The following ODAD2 variants were observed in gnomAD, a reference collection of about 807,000 sequenced individuals.
ODAD2 encodes the protein outer dynein arm docking complex subunit 2.
In ODAD2, 89 loss-of-function variants were observed where a neutral mutation model predicts 106.8. The ratio of observed to expected loss-of-function variants is 0.83; its 90% CI spans 0.70 to 0.99. The LOEUF (loss-of-function observed/expected upper bound fraction) is 0.99, where lower values mean the gene tolerates loss of function less well. Among genes scored for constraint, ODAD2 ranks in the 50% least tolerant of loss-of-function variants. The pLI, the probability that ODAD2 is intolerant of heterozygous loss-of-function variation, is 0.00. For synonymous variants in ODAD2, 404 were observed against 436.2 expected (o/e 0.93, Z 0.92); for missense variants, 1,168 against 1,238.5 (o/e 0.94, Z 0.85).
intron 17 of ODAD2, among the ~76,000 whole-genome samples, chr10:27,873,918 T>G (rs2133471093): frequency 6.6e-6 from 1 of 152,306 alleles, no homozygotes. Flanking sequence ...CCTTGTTAAC[T>G]TTCTGTCTCG....
chr10:27,970,968 T>C lies in ODAD2; in HGVS notation c.1142+140A>G, dbSNP rs1282591541. ...GCCTGGGCAACAGAGCAAGACTCCA[T>C]CTTAAATAAATAAATAAATAAATAA... On this transcript the variant is annotated intron_variant, in intron 8 of 19. Coordinates refer to ENST00000305242, the MANE Select transcript of ODAD2 (RefSeq NM_018076.5). 1.9e-5 allele frequency: 6 copies of C among 322,296 alleles called. 1 individual carries two copies. The highest frequency in any genetic ancestry group is 2.3e-5 in the African/African-American group (1 of 42,924). 20.0% of individuals were successfully genotyped at this position (322,296 alleles called of 1,614,324 possible).
intron 19 of ODAD2, among the ~76,000 whole-genome samples, chr10:27,827,996 G>C (rs988328875): frequency 1.3e-5 from 2 of 152,196 alleles, no homozygotes; most frequent in African/African-American, 4.8e-5. Flanking sequence ...TCATCAGAGA[G>C]GAAGGGGAGA....
chr10:27,829,772 A>G (rs2132979107), intron 19 of ODAD2, among the ~76,000 whole-genome samples: 1 of 152,302 alleles, frequency 6.6e-6, no homozygotes, highest in East Asian at 1.9e-4. Context: ...AGAACTTCAC[A>G]TTTCAGTGAA....
Position 27,934,810 on chromosome 10 carries a change from C to A in ODAD2, c.2495+200G>T, listed in dbSNP as rs577158201. Among the ~76,000 whole-genome samples, 4 of 152,240 alleles carry A rather than the reference C, an allele frequency of 2.6e-5. No homozygotes were observed. In the East Asian group the frequency reaches 7.7e-4, roughly 29 times the overall value. ...GTATTGTAAATCCTCCCAATATGAC[C>A]AACTTAGCCCTCCATCTCATATGAG... On this transcript the variant is annotated intron_variant, in intron 16 of 19. Coordinates refer to ENST00000305242, the MANE Select transcript of ODAD2 (RefSeq NM_018076.5).
chr10:27,944,788 C>T, intron 11 of ODAD2, 28 bp downstream of exon 11: 1 of 1,613,834 alleles, frequency 6.2e-7, no homozygotes, highest in Non-Finnish European at 8.5e-7. Context: ...GAACAAGACT[C>T]CGCATCCAAG....
At position 27,940,817 on chromosome 10, in the gene ODAD2, G is replaced by A. The variant is rs576580777; in HGVS notation, c.1744-12C>T. Reference sequence around the variant, plus strand: ...TCTAGTAGAGCAACCTATAATAATAGATAAATCCAATGTTCATGGAAATCT... The same window carrying A: ...TCTAGTAGAGCAACCTATAATAATAAATAAATCCAATGTTCATGGAAATCT... On this transcript the variant is annotated splice_polypyrimidine_tract_variant and intron_variant, in intron 12 of 19. Transcript: ENST00000305242. 6.2e-7 allele frequency: 1 copy of A among 1,607,556 alleles called. No homozygotes were observed. Among genetic ancestry groups the A allele is most frequent in the Non-Finnish European group, 8.5e-7 (1 of 1,175,328 alleles).
chr10:27,857,853 C>T (rs536478824), intron 19 of ODAD2, among the ~76,000 whole-genome samples: 8 of 152,326 alleles, frequency 5.3e-5, no homozygotes, highest in African/African-American at 1.9e-4. Context: ...TCAACATTCA[C>T]TCATTGGCAG....
At position 27,907,825 on chromosome 10, in the gene ODAD2, A is replaced by T. The variant is rs112525988; in HGVS notation, c.2496-48T>A. The T allele has an allele frequency of 7.3e-4, 895 of 1,225,444 alleles. 6 individuals carry two copies. In the African/African-American group the frequency reaches 0.011, roughly 15 times the overall value. 75.9% of individuals were successfully genotyped at this position (1,225,444 alleles called of 1,614,324 possible). ...GATATAAACTGTCATTAGTATGTGA[A>T]GACAAACATTTTAATGACCCACTTA... On this transcript the variant is annotated intron_variant, in intron 16 of 19. Coordinates refer to ENST00000305242, the MANE Select transcript of ODAD2 (RefSeq NM_018076.5).
intron 17 of ODAD2, among the ~76,000 whole-genome samples, chr10:27,884,650 G>A (rs1479620526): frequency 6.6e-6 from 1 of 152,108 alleles, no homozygotes; most frequent in Non-Finnish European, 1.5e-5. Context: ...AAAAGCAAGG[G>A]TAGATACTGT....
chr10:27,990,633 A>C (rs1850170932), intron 2 of ODAD2, among the ~76,000 whole-genome samples: 2 of 152,254 alleles, frequency 1.3e-5, no homozygotes, highest in Non-Finnish European at 2.9e-5. Context: ...TAGAAATTTT[A>C]CCAAAATGCA....
chr10:27,923,945 T>TAAA (rs1463985231), intron 16 of ODAD2, among the ~76,000 whole-genome samples: 1 of 45,992 alleles, frequency 2.2e-5, no homozygotes, highest in East Asian at 7.7e-4. Flanking sequence ...CCCTGTCTAA[T>TAAA]GAAAGAAAGA....
At chr10:27,892,501 C>T (rs1226779126) in intron 17 of ODAD2, among the ~76,000 whole-genome samples, 1 of 152,056 alleles carries the variant, frequency 6.6e-6, no homozygotes, top group Non-Finnish European at 1.5e-5. Context: ...ATGAATGGAC[C>T]GATAATTTTT....
At chr10:27,840,106 C>T (rs549939990) in intron 19 of ODAD2, among the ~76,000 whole-genome samples, 1 of 152,228 alleles carries the variant, frequency 6.6e-6, no homozygotes, top group East Asian at 1.9e-4. Context: ...CCAGCCAAAG[C>T]TGTCAGCAAG....
At chr10:27,973,607 G>A (rs934318694) in intron 7 of ODAD2, among the ~76,000 whole-genome samples, 19 of 151,986 alleles carry the variant, frequency 1.3e-4, no homozygotes, top group Non-Finnish European at 5.9e-5. Context: ...TCTTAAAAAG[G>A]ACAGGATCAC....
At chr10:27,979,929 A>G (rs887048881) in intron 7 of ODAD2, among the ~76,000 whole-genome samples, 1 of 152,200 alleles carries the variant, frequency 6.6e-6, no homozygotes, top group African/African-American at 2.4e-5. Context: ...ACAAAAACAA[A>G]GTTGGAGGAC....
In ODAD2 at chr10:27,870,556, C is replaced by T. The variant is rs546705800; in HGVS notation, c.2611-7934G>A. ...TGTGTGATGGTCCCCTTCCTGTGTC[C>T]AAGTGTTCTCATTGTTCACTTCCCA... On this transcript the variant is annotated intron_variant, in intron 17 of 19. Coordinates refer to ENST00000305242, the MANE Select transcript of ODAD2 (RefSeq NM_018076.5). 5.3e-5 allele frequency among the ~76,000 whole-genome samples: 8 copies of T among 152,156 alleles called. No homozygotes were observed. In the South Asian group the frequency reaches 1.7e-3, roughly 32 times the overall value.
At chr10:27,887,599 A>T (rs1245551831) in intron 17 of ODAD2, among the ~76,000 whole-genome samples, 1 of 152,034 alleles carries the variant, frequency 6.6e-6, no homozygotes, top group Non-Finnish European at 1.5e-5. Flanking sequence ...GTCTTTAAAA[A>T]TAAAAAATAT....
intron 17 of ODAD2, among the ~76,000 whole-genome samples, chr10:27,887,706 AAAC>A (rs1842316238): frequency 1.3e-5 from 2 of 152,080 alleles, no homozygotes; most frequent in African/African-American, 2.4e-5. Flanking sequence ...TGTGGAAATT[AAAC>A]AACACACTTG....
chr10:27,854,289 C>T (rs1019956457), intron 19 of ODAD2, among the ~76,000 whole-genome samples: 26 of 152,194 alleles, frequency 1.7e-4, no homozygotes, highest in African/African-American at 5.5e-4. Flanking sequence ...CTTTGGAAAA[C>T]GATCTGGCAA....
Sources: allele counts gnomAD v4.1 joint callset (sites outside exome capture counted in the v4.1 genomes callset), GRCh38; gene constraint gnomAD v4.1.1; transcripts MANE v1.5; gene names NCBI Gene and HGNC (gene_info 2026-07-23, HGNC 2026-07-21).